RUBCNL: variants seen among roughly 807,000 people sequenced by gnomAD.
The protein encoded by RUBCNL is protein associated with UVRAG as autophagy enhancer.
RUBCNL carries 62 observed loss-of-function variants against 69.5 expected under a neutral mutation model. The observed-to-expected ratio is 0.89, with a 90% CI of 0.73 to 1.10. The LOEUF (loss-of-function observed/expected upper bound fraction) is 1.10, where lower values mean the gene tolerates loss of function less well. RUBCNL is among the 50% of genes least tolerant of loss of function. RUBCNL has a pLI of 0.00. For missense variants in RUBCNL, 768 were observed against 798.1 expected (o/e 0.96, Z 0.45); for synonymous variants, 291 against 303.6 (o/e 0.96, Z 0.43).
chr13:46,364,629 T>TAAA (rs34783424), intron 5 of RUBCNL, among the ~76,000 whole-genome samples: 9 of 139,592 alleles, frequency 6.4e-5, no homozygotes, highest in African/African-American at 2.4e-4. Context: ...GTTTAACTGA[T>TAAA]AAAAAAAAAA....
At position 46,362,602 on chromosome 13, in the gene RUBCNL, T is replaced by C. The variant is rs2048639507; in HGVS notation, c.926-4A>G. 1 of 1,603,370 alleles carries C rather than the reference T, an allele frequency of 6.2e-7. No homozygotes were observed. ...ATATCATTAAAATCTCCAAGCTCTG[T>C]GGGAAAATAAAAGAAAGAGTGGTGA... is the stretch of plus-strand genomic sequence containing the variant. On this transcript the variant is annotated splice_polypyrimidine_tract_variant and splice_region_variant and intron_variant, in intron 6 of 14. Transcript: ENST00000429979.
chr13:46,375,383 AT>A, intron 2 of RUBCNL, among the ~76,000 whole-genome samples: 1 of 152,292 alleles, frequency 6.6e-6, no homozygotes, highest in Non-Finnish European at 1.5e-5. Context: ...AAATACAAAA[AT>A]TAGCTGGGCG....
chr13:46,372,210 C>T lies in RUBCNL; in HGVS notation c.266G>A (p.Gly89Asp), dbSNP rs754045245. ...HFVTDAASPS[G>D]PSPSCLGDSL... is the part of the protein sequence containing the mutation. ...GTCCCCGAGGCACGAAGGTGAAGGG[C>T]CTGAGGGAGAGGCAGCATCTGTCAC... The change falls in exon 3 of 15, where the codon GGC becomes GAC. Residue 89 changes from glycine to aspartate, a missense_variant. Transcript: ENST00000429979. The T allele has an allele frequency of 1.2e-6, 2 of 1,613,950 alleles. No homozygotes were observed. Among genetic ancestry groups the T allele is most frequent in the South Asian group, 1.1e-5 (1 of 91,078 alleles).
rs1467486184 is a variant in RUBCNL, at chr13:46,335,301, G to C, written c.*8084C>G. Among the ~76,000 whole-genome samples the C allele has an allele frequency of 2.9e-5, 4 of 137,234 alleles. No homozygotes were observed. In the Admixed American group the frequency reaches 3.1e-4, roughly 11 times the overall value. 90.0% of individuals were successfully genotyped at this position (137,234 alleles called of 152,430 possible). A position where few individuals can be genotyped will look rare whatever the true frequency, so the allele number is the denominator to read the frequency against. On this transcript the variant is annotated 3_prime_UTR_variant, in exon 15 of 15. Transcript: ENST00000429979. ...TTTTTTTTTTAAGAGACAGGGTCTC[G>C]CTATGTTGCACAGGCTGGTCACAAA...
At chr13:46,379,419 C>T (rs368696354) in intron 1 of RUBCNL, among the ~76,000 whole-genome samples, 10 of 152,272 alleles carry the variant, frequency 6.6e-5, no homozygotes, top group Non-Finnish European at 1.0e-4. Context: ...CTGCTTTGTC[C>T]CCAGAACCCA....
chr13:46,349,707 T>G (rs1455125630), intron 11 of RUBCNL, among the ~76,000 whole-genome samples: 1 of 151,840 alleles, frequency 6.6e-6, no homozygotes, highest in African/African-American at 2.4e-5. Context: ...GACAGGGTCT[T>G]GCTCTGTCAC....
At chr13:46,371,844 C>T in intron 3 of RUBCNL, 97 bp downstream of exon 3, 5 of 1,249,070 alleles carry the variant, frequency 4.0e-6, no homozygotes, top group Non-Finnish European at 5.6e-6. Context: ...TGAGGCAATG[C>T]ATTGTCCCAT....
At chr13:46,385,342 T>A (rs183610237) in intron 1 of RUBCNL, 3 of 797,000 alleles carry the variant, frequency 3.8e-6, no homozygotes, top group African/African-American at 1.9e-5. Flanking sequence ...TAATTGGGTA[T>A]CAGGAAGATA....
At chr13:46,349,568 A>C (rs1772573742) in intron 11 of RUBCNL, among the ~76,000 whole-genome samples, 1 of 152,204 alleles carries the variant, frequency 6.6e-6, no homozygotes, top group South Asian at 2.1e-4. Flanking sequence ...TAAAACTTAC[A>C]GAACTTTGGG....
Position 46,341,696 on chromosome 13 carries a change from A to C in RUBCNL, c.*1689T>G, listed in dbSNP as rs769727748. On this transcript the variant is annotated 3_prime_UTR_variant, in exon 15 of 15. Transcript: ENST00000429979. ...GTGAGAAAACACTCTGCCCAATGCC[A>C]CTTCTGCAAGTTGGAGCAACACTTA... Among the ~76,000 whole-genome samples, 6 of 152,238 alleles carry C rather than the reference A, an allele frequency of 3.9e-5. No individual in the cohort carries two copies. Among genetic ancestry groups the C allele is most frequent in the African/African-American group, 7.2e-5 (3 of 41,458 alleles).
At chr13:46,385,375 A>G (rs1293485512) in intron 1 of RUBCNL, 1 of 430,770 alleles carries the variant, frequency 2.3e-6, no homozygotes, top group Non-Finnish European at 3.1e-6. Flanking sequence ...AACAGGCACT[A>G]ATATTACTAC....
intron 10 of RUBCNL, among the ~76,000 whole-genome samples, chr13:46,355,294 C>A (rs76720926): frequency 2.4e-5 from 3 of 126,486 alleles, no homozygotes; most frequent in East Asian, 2.4e-4. Context: ...AAAGCCCGAG[C>A]TTTTTTTTTT....
At position 46,335,487 on chromosome 13, in the gene RUBCNL, T is replaced by C. The variant is rs974332734; in HGVS notation, c.*7898A>G. Among the ~76,000 whole-genome samples the C allele has an allele frequency of 1.3e-5, 2 of 152,072 alleles. No homozygotes were observed. The highest frequency in any genetic ancestry group is 6.5e-5 in the Admixed American group (1 of 15,272). On this transcript the variant is annotated 3_prime_UTR_variant, in exon 15 of 15. Coordinates refer to ENST00000429979, the MANE Select transcript of RUBCNL (RefSeq NM_025113.5). ...ATGCTTTATAAACATTCTGGTGTTGTGTGGAGAATGGACTATAGAGGGGCA... is the reference window on the plus strand; with the variant it reads ...ATGCTTTATAAACATTCTGGTGTTGCGTGGAGAATGGACTATAGAGGGGCA...
At chr13:46,353,801 A>G (rs545056974) in intron 10 of RUBCNL, among the ~76,000 whole-genome samples, 1 of 152,374 alleles carries the variant, frequency 6.6e-6, no homozygotes, top group African/African-American at 2.4e-5. Context: ...AAAGTGTTCT[A>G]TATCTGTGCT....
chr13:46,367,505 AC>A (rs2138782570), intron 5 of RUBCNL, among the ~76,000 whole-genome samples: 1 of 152,284 alleles, frequency 6.6e-6, no homozygotes, highest in African/African-American at 2.4e-5. Flanking sequence ...ACAAAACAAA[AC>A]AAAACATAGG....
In RUBCNL at chr13:46,350,143, A is replaced by G. The variant is rs1194750783; in HGVS notation, c.1539T>C (p.Tyr513=). Residue 513 remains tyrosine (Y), a synonymous_variant, in exon 11 of 15, where the codon TAT becomes TAC. Coordinates refer to ENST00000429979, the MANE Select transcript of RUBCNL (RefSeq NM_025113.5). ...FNLLSIGQSL[Y]AKAKELDRVK... is the part of the protein sequence containing the mutation. ...CTCTGTCCAGCTCCTTGGCTTTCGC[A>G]TACAGGCTTTGGCCGATGCTCAGCA... 1.1e-5 allele frequency: 18 copies of G among 1,576,774 alleles called. No homozygotes were observed. Among genetic ancestry groups the G allele is most frequent in the Non-Finnish European group, 1.5e-5 (17 of 1,160,446 alleles).
At chr13:46,362,058 T>C (rs1352244168) in intron 7 of RUBCNL, among the ~76,000 whole-genome samples, 1 of 149,344 alleles carries the variant, frequency 6.7e-6, no homozygotes, top group Non-Finnish European at 1.5e-5. Context: ...AAACCCCATC[T>C]CTACTAAAAA....
chr13:46,367,585 A>C (rs1325453567), intron 5 of RUBCNL, among the ~76,000 whole-genome samples: 1 of 152,166 alleles, frequency 6.6e-6, no homozygotes, highest in Non-Finnish European at 1.5e-5. Context: ...AGGATTACAG[A>C]GGTTACTCAA....
At chr13:46,387,767 G>T, upstream of RUBCNL, 3 of 985,790 alleles carry the variant, frequency 3.0e-6, no homozygotes, top group Non-Finnish European at 3.6e-6. Context: ...GTCCGCGTTA[G>T]TTTAGCCTTC....
Sources: allele counts gnomAD v4.1 joint callset (sites outside exome capture counted in the v4.1 genomes callset), GRCh38; gene constraint gnomAD v4.1.1; transcripts MANE v1.5; gene names NCBI Gene and HGNC (gene_info 2026-07-23, HGNC 2026-07-21).